GTF2H1: variants seen among roughly 807,000 people sequenced by gnomAD.
GTF2H1 encodes general transcription factor IIH subunit 1, also known as BTF2 p62.
A neutral mutation model predicts 71.2 loss-of-function variants in GTF2H1; 16 were observed. That is an observed-to-expected ratio of 0.22 (90% CI 0.15 to 0.34). The LOEUF is 0.34. Among genes scored for constraint, GTF2H1 ranks in the 10% least tolerant of loss-of-function variants. GTF2H1 has a pLI of 1.00. For missense variants in GTF2H1, 498 were observed against 648.2 expected, an observed-to-expected ratio of 0.77 and a Z score of 2.52; for synonymous variants, 215 against 219.0, an observed-to-expected ratio of 0.98 and a Z score of 0.16.
chr11:18,347,896 T>G lies in GTF2H1; in HGVS notation c.1030T>G (p.Cys344Gly). Residue 344 changes from cysteine to glycine, a missense_variant, in exon 9 of 15, where the codon TGC becomes GGC. Coordinates refer to ENST00000265963, the MANE Select transcript of GTF2H1 (RefSeq NM_005316.4). ...GGATGGAAATTCCGGAGATGCAGAC[T>G]GCTTTCAGCCAGCAGTCAAAAGGGT... The part of the protein sequence containing the change: ...NMDGNSGDAD[C>G]FQPAVKRAKL... The G allele has an allele frequency of 6.2e-7, 1 of 1,613,666 alleles. No individual in the cohort carries two copies. Among genetic ancestry groups the G allele is most frequent in the Non-Finnish European group, 8.5e-7 (1 of 1,179,552 alleles).
intron 5 of GTF2H1, among the ~76,000 whole-genome samples, chr11:18,340,576 C>T (rs917404964): frequency 3.3e-5 from 5 of 152,204 alleles, no homozygotes; most frequent in Non-Finnish European, 5.9e-5. Context: ...GCTTGAGCCA[C>T]AGCATCTGGC....
intron 3 of GTF2H1, 71 bp from the exon 4 acceptor site, chr11:18,338,038 C>A: frequency 9.7e-7 from 1 of 1,033,506 alleles, no homozygotes; most frequent in Admixed American, 2.2e-5. Context: ...TTGCCAAAAT[C>A]TTTTTAAAAT....
At position 18,335,930 on chromosome 11, in the gene GTF2H1, C is replaced by T; in HGVS notation, c.331C>T (p.Leu111=). Residue 111 remains leucine, a synonymous_variant, in exon 3 of 15, where the codon CTG becomes TTG. Transcript: ENST00000265963. ...ATTCAAGAGGAAAGCAAATAAAGAACTGGAAGAGAAGAACAGGTGGGAGGA... is the reference window on the plus strand; with the variant it reads ...ATTCAAGAGGAAAGCAAATAAAGAATTGGAAGAGAAGAACAGGTGGGAGGA... ...PKFKRKANKE[L]EEKNRMLQED... The T allele has an allele frequency of 6.2e-7, 1 of 1,613,864 alleles. No individual in the cohort carries two copies. The highest frequency in any genetic ancestry group is 2.2e-5 in the East Asian group (1 of 44,872).
chr11:18,343,572 G>A (rs1290951618), intron 7 of GTF2H1, among the ~76,000 whole-genome samples: 4 of 151,986 alleles, frequency 2.6e-5, no homozygotes, highest in Non-Finnish European at 2.9e-5. Context: ...TGGGGAACAG[G>A]GGAGGGAGTA....
At chr11:18,363,185 A>G in intron 14 of GTF2H1, among the ~76,000 whole-genome samples, 1 of 152,154 alleles carries the variant, frequency 6.6e-6, no homozygotes, top group Non-Finnish European at 1.5e-5. Context: ...TACCTCCTGA[A>G]GGACCTGCGT....
At chr11:18,337,983 G>A (rs571787498) in intron 3 of GTF2H1, 126 bp from the exon 4 acceptor site, 3 of 622,138 alleles carry the variant, frequency 4.8e-6, no homozygotes, top group South Asian at 2.3e-5. Context: ...GACCTCTGCT[G>A]CTCAAACATC....
chr11:18,346,602 CTT>C (rs1251064306), intron 7 of GTF2H1, among the ~76,000 whole-genome samples: 1 of 151,994 alleles, frequency 6.6e-6, no homozygotes, highest in Non-Finnish European at 1.5e-5. Flanking sequence ...ATTTTATTCT[CTT>C]TTATCCTACT....
Position 18,339,649 on chromosome 11 carries a change from A to G in GTF2H1, c.599A>G (p.Tyr200Cys). 1 of 1,560,016 alleles carries G rather than the reference A, an allele frequency of 6.4e-7. No individual in the cohort carries two copies. Residue 200 changes from tyrosine to cysteine, a missense_variant, in exon 5 of 15, where the codon TAT (tyrosine) becomes TGT (cysteine). Coordinates refer to ENST00000265963, the MANE Select transcript of GTF2H1 (RefSeq NM_005316.4). ...ATCATTGAGTCCATATTTAGGACCT[A>G]TCCAGCAGGTAAGAAGAATCAGTTC... ...SDIIESIFRT[Y>C]PAVKMKYAEN...
chr11:18,329,290 T>A (rs1864841174), intron 1 of GTF2H1, among the ~76,000 whole-genome samples: 1 of 152,232 alleles, frequency 6.6e-6, no homozygotes, highest in South Asian at 2.1e-4. Context: ...GACTCAGCAG[T>A]ACCTCACATT....
intron 9 of GTF2H1, among the ~76,000 whole-genome samples, chr11:18,351,342 C>T (rs554789548): frequency 4.3e-4 from 64 of 147,478 alleles, no homozygotes; most frequent in African/African-American, 1.5e-3. Context: ...AACGCAGTGG[C>T]GTGATCTCAG....
At chr11:18,357,906 A>C (rs1483848574) in intron 11 of GTF2H1, 46 bp from the exon 12 acceptor site, 3 of 1,186,212 alleles carry the variant, frequency 2.5e-6, no homozygotes, top group Non-Finnish European at 3.8e-6. Context: ...TGGCAAAAAA[A>C]AAAAAGGGAG....
intron 7 of GTF2H1, among the ~76,000 whole-genome samples, chr11:18,345,096 TAGGAGGATCACTTGAGCCC>T (rs201542211): frequency 0.033 from 5,005 of 151,332 alleles, 268 homozygotes; most frequent in African/African-American, 0.11. Flanking sequence ...GAGGCTAAGG[TAGGAGGATCACTTGAGCCC>T]AGGAGGTCAA....
In GTF2H1 at chr11:18,347,683, T is replaced by C; in HGVS notation, c.933T>C (p.Ser311=). The change falls in exon 8 of 15, where the codon AGT becomes AGC. Residue 311 remains serine, a synonymous_variant. Transcript: ENST00000265963. ...AAIIKRFNHH[S]AMVLAAGLRK... Reference sequence around the variant, plus strand: ...TCATCAAGAGATTTAACCATCACAGTGCCATGGTCCTGGCAGCTGGACTCA... The same window carrying C: ...TCATCAAGAGATTTAACCATCACAGCGCCATGGTCCTGGCAGCTGGACTCA... The C allele has an allele frequency of 1.2e-6, 2 of 1,613,860 alleles. No individual in the cohort carries two copies. Among genetic ancestry groups the C allele is most frequent in the Non-Finnish European group, 1.7e-6 (2 of 1,179,726 alleles).
chr11:18,328,264 A>T (rs1864813294), intron 1 of GTF2H1, among the ~76,000 whole-genome samples: 1 of 150,054 alleles, frequency 6.7e-6, no homozygotes, highest in South Asian at 2.1e-4. Flanking sequence ...TAATCCCAGC[A>T]CTTTGGGAGG....
At chr11:18,355,063 G>T (rs1303755534) in intron 11 of GTF2H1, among the ~76,000 whole-genome samples, 2 of 151,592 alleles carry the variant, frequency 1.3e-5, no homozygotes, top group Admixed American at 1.3e-4. Flanking sequence ...ACTCGCCTCG[G>T]CCTCCCAAAG....
At chr11:18,333,431 G>T in intron 2 of GTF2H1, 4 of 388,974 alleles carry the variant, frequency 1.0e-5, no homozygotes, top group South Asian at 5.5e-5. Context: ...CATATAATAT[G>T]TAAATCTACC....
chr11:18,362,554 A>G (rs1489503154), intron 14 of GTF2H1, among the ~76,000 whole-genome samples: 1 of 151,704 alleles, frequency 6.6e-6, no homozygotes, highest in African/African-American at 2.4e-5. Flanking sequence ...TAAAACACCC[A>G]TTGTATAGCT....
chr11:18,355,365 G>A (rs939596516), intron 11 of GTF2H1, among the ~76,000 whole-genome samples: 2 of 151,128 alleles, frequency 1.3e-5, no homozygotes, highest in African/African-American at 2.4e-5. Context: ...GGATGGTCTC[G>A]ATCTCCTGAC....
intron 9 of GTF2H1, among the ~76,000 whole-genome samples, chr11:18,350,497 G>C (rs1053390964): frequency 1.3e-5 from 2 of 152,032 alleles, no homozygotes; most frequent in Non-Finnish European, 2.9e-5. Context: ...GGTCAGATTT[G>C]TTCCTGTACC....
Sources: allele counts gnomAD v4.1 joint callset (sites outside exome capture counted in the v4.1 genomes callset), GRCh38; gene constraint gnomAD v4.1.1; transcripts MANE v1.5; gene names NCBI Gene and HGNC (gene_info 2026-07-23, HGNC 2026-07-21).